Variants in LRP1B observed in about 807,000 individuals in gnomAD.
The protein encoded by LRP1B is LDL receptor related protein 1B, also known as low-density lipoprotein receptor-related protein 1B.
A neutral mutation model predicts 556.6 loss-of-function variants in LRP1B; 217 were observed. The ratio of observed to expected loss-of-function variants is 0.39; its 90% CI spans 0.35 to 0.44. The LOEUF (loss-of-function observed/expected upper bound fraction) is 0.44, where lower values mean the gene tolerates loss of function less well. Among genes scored for constraint, LRP1B ranks in the 20% least tolerant of loss-of-function variants. LRP1B has a pLI of 1.00. For missense variants in LRP1B, 5,053 were observed against 5,620.8 expected (o/e 0.90, Z 3.23); for synonymous variants, 2,047 against 1,865.8 (o/e 1.10, Z -2.50).
At chr2:140,943,092 C>G (rs1695447726) in intron 20 of LRP1B, among the ~76,000 whole-genome samples, 1 of 151,982 alleles carries the variant, frequency 6.6e-6, no homozygotes, top group Non-Finnish European at 1.5e-5. Flanking sequence ...GGAAAAAGAT[C>G]TATCACACAA....
chr2:141,880,671 A>G (rs981460636), intron 1 of LRP1B, among the ~76,000 whole-genome samples: 2 of 152,058 alleles, frequency 1.3e-5, no homozygotes, highest in Non-Finnish European at 1.5e-5. Context: ...TGCTTATTGA[A>G]GTATGAAATG....
intron 7 of LRP1B, among the ~76,000 whole-genome samples, chr2:141,117,695 T>C (rs539124043): frequency 5.9e-5 from 9 of 152,090 alleles, no homozygotes; most frequent in South Asian, 4.1e-4. Flanking sequence ...AGAGGTAAAA[T>C]TGAAGAGCAA....
chr2:140,999,751 G>A (rs2105366544), intron 15 of LRP1B, among the ~76,000 whole-genome samples: 2 of 152,056 alleles, frequency 1.3e-5, no homozygotes, highest in Admixed American at 1.3e-4. Flanking sequence ...ATGTTTTGTT[G>A]TTTTTGGTTT....
intron 60 of LRP1B, 138 bp downstream of exon 60, chr2:140,475,000 T>C (rs1430904186): frequency 1.2e-5 from 4 of 330,074 alleles, no homozygotes; most frequent in Non-Finnish European, 2.0e-5. Flanking sequence ...TTTACCAATA[T>C]TTTTATAAAG....
intron 18 of LRP1B, among the ~76,000 whole-genome samples, chr2:140,955,166 A>C (rs1695835997): frequency 1.3e-5 from 2 of 151,916 alleles, no homozygotes; most frequent in South Asian, 4.1e-4. Flanking sequence ...AGGATTCACC[A>C]CTTGAATAAC....
At chr2:140,423,710 C>T (rs1251958539) in intron 66 of LRP1B, among the ~76,000 whole-genome samples, 1 of 152,066 alleles carries the variant, frequency 6.6e-6, no homozygotes, top group African/African-American at 2.4e-5. Context: ...TTGTGTAACA[C>T]ATAGAGCTAG....
At chr2:140,624,114 C>A (rs1683565871) in intron 41 of LRP1B, among the ~76,000 whole-genome samples, 1 of 151,752 alleles carries the variant, frequency 6.6e-6, no homozygotes, top group Admixed American at 6.6e-5. Context: ...TATGACTGAA[C>A]CCATTACAAA....
At chr2:142,083,475 C>T (rs921495964) in intron 1 of LRP1B, among the ~76,000 whole-genome samples, 1 of 152,180 alleles carries the variant, frequency 6.6e-6, no homozygotes, top group Non-Finnish European at 1.5e-5. Context: ...GCTTAATAAA[C>T]ATCCCATAAT....
intron 1 of LRP1B, among the ~76,000 whole-genome samples, chr2:141,906,128 A>T (rs1298595781): frequency 1.3e-5 from 2 of 151,674 alleles, no homozygotes; most frequent in Admixed American, 1.3e-4. Flanking sequence ...TATTTATTTG[A>T]GGCAGGGATC....
intron 3 of LRP1B, among the ~76,000 whole-genome samples, chr2:141,332,241 G>C (rs1044661296): frequency 2.6e-5 from 4 of 151,706 alleles, no homozygotes; most frequent in Non-Finnish European, 2.9e-5. Flanking sequence ...TTACTTTTCT[G>C]AATCTGAGTT....
chr2:141,458,534 A>T (rs998222414), intron 3 of LRP1B, among the ~76,000 whole-genome samples: 1 of 152,196 alleles, frequency 6.6e-6, no homozygotes, highest in Middle Eastern at 3.2e-3. Flanking sequence ...ATAAGTGAAT[A>T]CGGTACCTAT....
intron 6 of LRP1B, among the ~76,000 whole-genome samples, chr2:141,204,872 G>A (rs142615919): frequency 7.2e-5 from 11 of 152,000 alleles, no homozygotes; most frequent in African/African-American, 2.4e-4. Context: ...AAGAGGTGGG[G>A]TTTGCAGTGA....
chr2:141,034,114 T>C (rs1378540295), intron 11 of LRP1B, among the ~76,000 whole-genome samples: 5 of 152,134 alleles, frequency 3.3e-5, no homozygotes, highest in Non-Finnish European at 7.4e-5. Context: ...ATTAGGATCA[T>C]GGTGTTCCTC....
At chr2:140,386,946 T>C (rs887975286) in intron 66 of LRP1B, among the ~76,000 whole-genome samples, 2 of 152,212 alleles carry the variant, frequency 1.3e-5, no homozygotes, top group Non-Finnish European at 2.9e-5. Context: ...TAATGGAAAT[T>C]GGGATTCAGT....
At position 141,849,382 on chromosome 2, in the gene LRP1B, TTCACA is replaced by T. The variant is rs530504441; in HGVS notation, c.83-38986_83-38982del. Among the ~76,000 whole-genome samples the T allele has an allele frequency of 3.4e-3, 521 of 151,810 alleles. 3 individuals carry two copies. The highest frequency in any genetic ancestry group is 0.012 in the African/African-American group (495 of 41,518). ...TTCATAATCGAATTATCACTAGTTTTTCACATCTTAATTATGGCGTTGACTTCGGC... is the reference window on the plus strand; with the variant it reads ...TTCATAATCGAATTATCACTAGTTTTTCTTAATTATGGCGTTGACTTCGGC... On this transcript the variant is annotated intron_variant, in intron 1 of 90. Coordinates refer to ENST00000389484, the MANE Select transcript of LRP1B (RefSeq NM_018557.3).
intron 32 of LRP1B, among the ~76,000 whole-genome samples, chr2:140,808,476 G>A (rs1288689839): frequency 6.6e-6 from 1 of 152,142 alleles, no homozygotes; most frequent in African/African-American, 2.4e-5. Flanking sequence ...TTACTCAGAA[G>A]TCACTGTCTT....
At chr2:141,195,651 T>C (rs2105212375) in intron 6 of LRP1B, among the ~76,000 whole-genome samples, 1 of 152,228 alleles carries the variant, frequency 6.6e-6, no homozygotes, top group South Asian at 2.1e-4. Flanking sequence ...GCAGCTCTAA[T>C]GCTGAAAACA....
chr2:140,417,195 T>C (rs954880790), intron 66 of LRP1B, among the ~76,000 whole-genome samples: 1 of 152,112 alleles, frequency 6.6e-6, no homozygotes, highest in Non-Finnish European at 1.5e-5. Context: ...GGCTAACACT[T>C]CATCAAATGT....
chr2:140,248,751 A>G (rs1229239004), intron 86 of LRP1B, among the ~76,000 whole-genome samples: 2 of 151,528 alleles, frequency 1.3e-5, no homozygotes, highest in African/African-American at 4.8e-5. Context: ...GTAATCATTG[A>G]CACAGTCCAC....
Sources: allele counts gnomAD v4.1 joint callset (sites outside exome capture counted in the v4.1 genomes callset), GRCh38; gene constraint gnomAD v4.1.1; transcripts MANE v1.5; gene names NCBI Gene and HGNC (gene_info 2026-07-23, HGNC 2026-07-21).